TCF3: variants seen among roughly 807,000 people sequenced by gnomAD.
TCF3 encodes transcription factor E2-alpha.
Under a neutral mutation model 72.3 loss-of-function variants are expected in TCF3, and 54 were observed. The ratio of observed to expected loss-of-function variants is 0.75; its 90% CI spans 0.60 to 0.94. TCF3 has a LOEUF of 0.94. TCF3 is among the 40% of genes least tolerant of loss of function. The pLI, the probability that TCF3 is intolerant of heterozygous loss-of-function variation, is 0.00. For missense variants in TCF3, 1,078 were observed against 934.4 expected (o/e 1.15, Z -2.00); for synonymous variants, 525 against 412.6 (o/e 1.27, Z -3.30).
chr19:1,638,727 C>T (rs1459649157), intron 3 of TCF3, among the ~76,000 whole-genome samples: 5 of 152,162 alleles, frequency 3.3e-5, no homozygotes, highest in Admixed American at 3.3e-4. Flanking sequence ...TCAATCACGG[C>T]CTTAAACGTG....
intron 8 of TCF3, among the ~76,000 whole-genome samples, chr19:1,622,995 G>T (rs1488907224): frequency 6.6e-6 from 1 of 152,156 alleles, no homozygotes. Flanking sequence ...GTAATAAACT[G>T]GGGGGCGGTT....
chr19:1,620,611 G>A (rs2146055269), intron 13 of TCF3, among the ~76,000 whole-genome samples: 1 of 152,282 alleles, frequency 6.6e-6, no homozygotes, highest in South Asian at 2.1e-4. Flanking sequence ...CTGCCTCCTG[G>A]CTTTGCCTGT....
At chr19:1,624,846 T>C (rs908813203) in intron 7 of TCF3, among the ~76,000 whole-genome samples, 2 of 152,122 alleles carry the variant, frequency 1.3e-5, no homozygotes, top group Non-Finnish European at 2.9e-5. Flanking sequence ...TTGTGGGTGA[T>C]TTCACGCTTA....
Position 1,623,953 on chromosome 19 carries a change from AGGAT to A in TCF3, c.543_546del (p.Ser182ArgfsTer101). On this transcript the variant is annotated frameshift_variant, in exon 8 of 19. Coordinates refer to ENST00000262965, the MANE Select transcript of TCF3 (RefSeq NM_003200.5). LOFTEE classifies it high-confidence loss of function. ...CCCTTCTCCCTCGTGCGACTCACCG[AGGAT>A]GGAAGACCCGGCGGGACCTTCCGGA... 6.2e-7 allele frequency: 1 copy of A among 1,613,454 alleles called. No individual in the cohort carries two copies. Among genetic ancestry groups the A allele is most frequent in the Non-Finnish European group, 8.5e-7 (1 of 1,179,928 alleles).
intron 3 of TCF3, among the ~76,000 whole-genome samples, chr19:1,640,903 C>T (rs1249439691): frequency 6.6e-6 from 1 of 152,010 alleles, no homozygotes; most frequent in Non-Finnish European, 1.5e-5. Context: ...AATCCCAGCA[C>T]TTTGGGAGGC....
In TCF3 at chr19:1,647,041, G is replaced by A. The variant is rs143032277; in HGVS notation, c.73-614C>T. ...AAGCCGAGGCTCAGACAGGCAGCAG[G>A]TCGAGGAAGACACGGGATGGAGCCC... is the stretch of plus-strand genomic sequence containing the variant. On this transcript the variant is annotated intron_variant, in intron 2 of 18. Transcript: ENST00000262965. Among the ~76,000 whole-genome samples the A allele has an allele frequency of 3.7e-3, 565 of 152,292 alleles. 3 individuals carry two copies. Among genetic ancestry groups the A allele is most frequent in the African/African-American group, 0.013 (530 of 41,562 alleles).
At position 1,611,336 on chromosome 19, in the gene TCF3, G is replaced by A; in HGVS notation, c.*371C>T. On this transcript the variant is annotated 3_prime_UTR_variant, in exon 19 of 19. Transcript: ENST00000262965. ...GCATTTTTTTCTTCTCTGACAAAGT[G>A]TATGTTTTGTTGCTTGCTTTCAGGT... 2.5e-6 allele frequency: 1 copy of A among 394,042 alleles called. No homozygotes were observed. The highest frequency in any genetic ancestry group is 3.6e-5 in the East Asian group (1 of 27,620). 24.4% of individuals were successfully genotyped at this position (394,042 alleles called of 1,614,324 possible). A position where few individuals can be genotyped will look rare whatever the true frequency, so the allele number is the denominator to read the frequency against.
At position 1,615,768 on chromosome 19, in the gene TCF3, T is replaced by C. The variant is rs190995532; in HGVS notation, c.1504A>G (p.Lys502Glu). ...AAASEIKREE[K>E]EDEENTSAAD... ...GCTGACGTGTTCTCCTCGTCCTCCT[T>C]CTCCTCCCGCTTGATCTCGCTGGCG... Residue 502 changes from lysine to glutamate, a missense_variant, in exon 17 of 19, where the codon AAG (lysine) becomes GAG (glutamate). Lys to Glu is a moderately conservative substitution (Grantham distance 56). Transcript: ENST00000262965. This position sits in a 1 kb window ranked among gnomAD's most constrained non-coding sequence, Gnocchi z 7.3. 135 of 1,600,530 alleles carry C rather than the reference T, an allele frequency of 8.4e-5. No homozygotes were observed. Among genetic ancestry groups the C allele is most frequent in the Middle Eastern group, 1.7e-4 (1 of 6,006 alleles).
chr19:1,613,201 G>A (rs1440056320), intron 18 of TCF3, among the ~76,000 whole-genome samples: 8 of 152,154 alleles, frequency 5.3e-5, no homozygotes, highest in Admixed American at 1.3e-4. Context: ...CTGTGCACGC[G>A]GCGAATGTGC....
chr19:1,610,548 C>G lies in TCF3; in HGVS notation c.*1159G>C, dbSNP rs186541271. On this transcript the variant is annotated 3_prime_UTR_variant, in exon 19 of 19. Transcript: ENST00000262965. ...AGGGTGTCCAGGAGGTCCCCAGCAC[C>G]GGGCTCCAGGGTGTGGTCCCCATGC... is the stretch of plus-strand genomic sequence containing the variant. 4.3e-6 allele frequency: 1 copy of G among 231,494 alleles called. No individual in the cohort carries two copies. Among genetic ancestry groups the G allele is most frequent in the South Asian group, 1.8e-4 (1 of 5,520 alleles). The allele number at this position is 231,494 out of a possible 1,614,324, so 14.3% of individuals were successfully genotyped here.
chr19:1,609,701 C>G lies in TCF3; in HGVS notation c.*2006G>C. On this transcript the variant is annotated 3_prime_UTR_variant, in exon 19 of 19. Transcript: ENST00000262965. ...AAGCCACCGAGAAGGGAGAGGCAGCCGGACAGCCCCTCCCCTCCGCCTGGC... is the reference window on the plus strand; with the variant it reads ...AAGCCACCGAGAAGGGAGAGGCAGCGGGACAGCCCCTCCCCTCCGCCTGGC... 1 of 227,886 alleles carries G rather than the reference C, an allele frequency of 4.4e-6. No homozygotes were observed. The highest frequency in any genetic ancestry group is 8.7e-6 in the Non-Finnish European group (1 of 114,894). The allele number at this position is 227,886 out of a possible 1,614,324, so 14.1% of individuals were successfully genotyped here. A position where few individuals can be genotyped will look rare whatever the true frequency, so the allele number is the denominator to read the frequency against.
rs750530047 is a variant in TCF3, at chr19:1,619,764, CG to C, written c.1167+15del. 57 of 679,276 alleles carry C rather than the reference CG, an allele frequency of 8.4e-5. 1 individual carries two copies. In the African/African-American group the frequency reaches 1.5e-3, roughly 18 times the overall value. 42.1% of individuals were successfully genotyped at this position (679,276 alleles called of 1,614,324 possible). On this transcript the variant is annotated intron_variant, in intron 14 of 18. Coordinates refer to ENST00000262965, the MANE Select transcript of TCF3 (RefSeq NM_003200.5). ...TCTGTCGGGGAAGGGTGGGGTGGGG[CG>C]GGGCAGGCACTCACCAGGCCGTGGA...
chr19:1,625,033 G>C (rs894784269), intron 7 of TCF3, among the ~76,000 whole-genome samples: 8 of 152,172 alleles, frequency 5.3e-5, no homozygotes, highest in Non-Finnish European at 7.3e-5. Context: ...TTTTCGCAAA[G>C]ATGGGATCTC....
chr19:1,647,471 G>A (rs915634291), intron 2 of TCF3, among the ~76,000 whole-genome samples: 6 of 152,218 alleles, frequency 3.9e-5, no homozygotes, highest in Non-Finnish European at 2.9e-5. Flanking sequence ...CCCAGGAAGC[G>A]GGGTTGTCCC....
chr19:1,619,105 G>A lies in TCF3; in HGVS notation c.1450+6C>T. On this transcript the variant is annotated splice_donor_region_variant and intron_variant, in intron 16 of 18. Transcript: ENST00000262965. ...GAGTCGGACAGTCCCAAGCTCAAGG[G>A]CTTACCACTGTAGGAGTCGGGAGGC... 6.3e-7 allele frequency: 1 copy of A among 1,599,290 alleles called. No individual in the cohort carries two copies. Among genetic ancestry groups the A allele is most frequent in the Non-Finnish European group, 8.5e-7 (1 of 1,179,692 alleles).
intron 16 of TCF3, among the ~76,000 whole-genome samples, chr19:1,618,692 T>C (rs1197271673): frequency 3.3e-5 from 5 of 152,174 alleles, no homozygotes; most frequent in Non-Finnish European, 7.4e-5. Flanking sequence ...CACCACCTTG[T>C]GGCCTCATGG....
chr19:1,630,180 T>C (rs796464253), intron 5 of TCF3, among the ~76,000 whole-genome samples: 11 of 151,256 alleles, frequency 7.3e-5, no homozygotes, highest in African/African-American at 2.2e-4. Context: ...CCATCGGGGG[T>C]ATGAGGAAGA....
At chr19:1,648,241 G>A (rs1319357344) in intron 2 of TCF3, among the ~76,000 whole-genome samples, 6 of 152,224 alleles carry the variant, frequency 3.9e-5, no homozygotes, top group Non-Finnish European at 8.8e-5. Flanking sequence ...GCCTCGGCAG[G>A]GGCAGAAGGC....
rs2060947246 is a variant in TCF3, at chr19:1,611,017, G to C, written c.*690C>G. The C allele has an allele frequency of 4.5e-6, 1 of 224,042 alleles. No individual in the cohort carries two copies. The highest frequency in any genetic ancestry group is 2.3e-5 in the African/African-American group (1 of 43,840). 13.9% of individuals were successfully genotyped at this position (224,042 alleles called of 1,614,324 possible). Reference sequence around the variant, plus strand: ...GGTTGATCAAGAAATGCAATGCTCAGTCTAGGAACAGCAGCAGAAATAGCG... The same window carrying C: ...GGTTGATCAAGAAATGCAATGCTCACTCTAGGAACAGCAGCAGAAATAGCG... On this transcript the variant is annotated 3_prime_UTR_variant, in exon 19 of 19. Transcript: ENST00000262965.
Sources: allele counts gnomAD v4.1 joint callset (sites outside exome capture counted in the v4.1 genomes callset), GRCh38; gene constraint gnomAD v4.1.1; non-coding constraint Gnocchi (gnomAD v3.1); transcripts MANE v1.5; gene names NCBI Gene and HGNC (gene_info 2026-07-23, HGNC 2026-07-21).